DEAF1: variants seen among roughly 807,000 people sequenced by gnomAD.
The protein encoded by DEAF1 is deformed epidermal autoregulatory factor 1 homolog.
A neutral mutation model predicts 58.9 loss-of-function variants in DEAF1; 53 were observed. The ratio of observed to expected loss-of-function variants is 0.90; its 90% CI spans 0.72 to 1.13. The LOEUF (loss-of-function observed/expected upper bound fraction) is 1.13. Among genes scored for constraint, DEAF1 ranks in the 50% most tolerant of loss-of-function variants. The pLI, the probability that DEAF1 is intolerant of heterozygous loss-of-function variation, is 0.00. For synonymous variants in DEAF1, 385 were observed against 340.4 expected (o/e 1.13, Z -1.44); for missense variants, 685 against 791.4 (o/e 0.87, Z 1.61).
At chr11:686,783 CCCTCTG>C in intron 5 of DEAF1, 69 bp downstream of exon 5, 1 of 1,602,596 alleles carries the variant, frequency 6.2e-7, no homozygotes, top group South Asian at 1.1e-5. Context: ...TCTGTGCCCT[CCCTCTG>C]GCTGGGCCGC....
intron 2 of DEAF1, among the ~76,000 whole-genome samples, chr11:689,074 G>A (rs1860717597): frequency 6.6e-6 from 1 of 152,180 alleles, no homozygotes; most frequent in African/African-American, 2.4e-5. Context: ...TTCACCCCAC[G>A]GTGGGGCAGA....
In DEAF1 at chr11:654,054, G is replaced by A. The variant is rs1319038934; in HGVS notation, c.1504-3C>T. 3 of 1,612,674 alleles carry A rather than the reference G, an allele frequency of 1.9e-6. No homozygotes were observed. Among genetic ancestry groups the A allele is most frequent in the East Asian group, 4.5e-5 (2 of 44,862 alleles). On this transcript the variant is annotated splice_polypyrimidine_tract_variant and splice_region_variant and intron_variant, in intron 10 of 11. Transcript: ENST00000382409. ...CGGCCGCAGTTAACGCAGGACTGCTGCAAGAAGGACACAACAGGCCAGTCA... is the reference window on the plus strand; with the variant it reads ...CGGCCGCAGTTAACGCAGGACTGCTACAAGAAGGACACAACAGGCCAGTCA...
At chr11:674,384 AT>A in intron 10 of DEAF1, 151 bp downstream of exon 10, 2 of 1,099,690 alleles carry the variant, frequency 1.8e-6, no homozygotes, top group Non-Finnish European at 2.7e-6. Context: ...GAAAAGCTTC[AT>A]TTGTAAATGA....
intron 1 of DEAF1, among the ~76,000 whole-genome samples, chr11:701,391 G>C (rs1302685117): frequency 1.4e-5 from 2 of 142,014 alleles, no homozygotes; most frequent in African/African-American, 2.6e-5. Context: ...TTTTGGTAGA[G>C]ACGAGACAAG....
chr11:649,504 G>A (rs1858664524), intron 11 of DEAF1, among the ~76,000 whole-genome samples: 1 of 151,864 alleles, frequency 6.6e-6, no homozygotes, highest in African/African-American at 2.4e-5. Context: ...CGGATCACTT[G>A]AGGTCAGGAG....
chr11:668,252 G>GA (rs138131804), intron 10 of DEAF1, among the ~76,000 whole-genome samples: 2,465 of 152,188 alleles, frequency 0.016, 67 homozygotes, highest in Non-Finnish European at 0.014. Context: ...AAGAAAAGCT[G>GA]AAAGTACATC....
At chr11:697,432 A>G (rs1861249030), upstream of DEAF1, 1 of 152,268 alleles carries the variant, frequency 6.6e-6, no homozygotes, top group Non-Finnish European at 1.5e-5. Flanking sequence ...AGCCAAGGCT[A>G]CGTTCGGTCA....
upstream of DEAF1, chr11:695,531 T>C: frequency 1.8e-6 from 2 of 1,113,356 alleles, no homozygotes; most frequent in South Asian, 4.5e-5. Context: ...TGCCGCGGGT[T>C]TCGCCCGTTC....
At chr11:653,105 AAAAAAG>A (rs1858861021) in intron 11 of DEAF1, among the ~76,000 whole-genome samples, 1 of 150,548 alleles carries the variant, frequency 6.6e-6, no homozygotes, top group Admixed American at 6.6e-5. Context: ...AAAAAAAAAA[AAAAAAG>A]AGTGACTAAA....
At position 678,724 on chromosome 11, in the gene DEAF1, C is replaced by T. The variant is rs1224271605; in HGVS notation, c.1225G>A (p.Ala409Thr). ...DSCQIAPFPEAALPTSHPKIV... is the reference protein window; with the variant it reads ...DSCQIAPFPETALPTSHPKIV... ...TTGGGATGTGACGTTGGCAACGCAG[C>T]TTCTGGAAACGGTGCGATCTGGCAG... The change falls in exon 9 of 12, where the codon GCT becomes ACT. Residue 409 changes from alanine to threonine, a missense_variant. Ala to Thr is a moderately conservative substitution (Grantham distance 58). This residue lies in a region of DEAF1 where 343 missense variants were observed against 379.8 expected (regional missense o/e 0.90). Transcript: ENST00000382409. 6.2e-7 allele frequency: 1 copy of T among 1,614,084 alleles called. No homozygotes were observed. The highest frequency in any genetic ancestry group is 1.7e-5 in the Admixed American group (1 of 60,004).
chr11:668,587 C>G (rs961805082), intron 10 of DEAF1, among the ~76,000 whole-genome samples: 1 of 152,094 alleles, frequency 6.6e-6, no homozygotes, highest in Non-Finnish European at 1.5e-5. Context: ...CTTTGGGAAG[C>G]TGAGGTGGGT....
chr11:671,014 C>T (rs1262907476), intron 10 of DEAF1, among the ~76,000 whole-genome samples: 3 of 145,188 alleles, frequency 2.1e-5, no homozygotes, highest in Admixed American at 7.0e-5. Flanking sequence ...CTGCAATCTC[C>T]ACCTCCCGGG....
chr11:701,585 A>G lies in DEAF1; in HGVS notation c.-438+4987T>C, dbSNP rs1861484417. On this transcript the variant is annotated intron_variant, in intron 1 of 11. Transcript: ENST00000683307. ...GCCACCACGCCCGGCTCATTTTTGT[A>G]TTTTTAGTAGAGATGGGGTTTCACC... is the stretch of plus-strand genomic sequence containing the variant. Among the ~76,000 whole-genome samples, 3 of 151,412 alleles carry G rather than the reference A, an allele frequency of 2.0e-5. 1 individual carries two copies. In the South Asian group the frequency reaches 6.3e-4, roughly 32 times the overall value.
chr11:660,559 C>T (rs1055154429), intron 10 of DEAF1, among the ~76,000 whole-genome samples: 5 of 152,358 alleles, frequency 3.3e-5, no homozygotes, highest in East Asian at 1.9e-4. Flanking sequence ...GGGGCTTCCA[C>T]GCTGCTGGGG....
intron 4 of DEAF1, among the ~76,000 whole-genome samples, chr11:687,474 C>T (rs1293514702): frequency 6.6e-6 from 1 of 152,220 alleles, no homozygotes; most frequent in African/African-American, 2.4e-5. Context: ...GTCACCTGCA[C>T]CTTTTGTCTT....
At chr11:668,721 C>T (rs1377428607) in intron 10 of DEAF1, among the ~76,000 whole-genome samples, 1 of 152,162 alleles carries the variant, frequency 6.6e-6, no homozygotes. Context: ...ACTTGGGGGG[C>T]TGAGGCAAGA....
intron 8 of DEAF1, among the ~76,000 whole-genome samples, chr11:679,041 G>A (rs938956934): frequency 2.0e-5 from 3 of 152,166 alleles, no homozygotes; most frequent in African/African-American, 4.8e-5. Flanking sequence ...GGCCGGGCGC[G>A]GTGGCTCACG....
intron 11 of DEAF1, among the ~76,000 whole-genome samples, chr11:650,054 AAAC>A (rs747305677): frequency 6.6e-6 from 1 of 150,894 alleles, no homozygotes; most frequent in Non-Finnish European, 1.5e-5. Flanking sequence ...AACAAAAACA[AAAC>A]AAAAAAGTAG....
intron 1 of DEAF1, among the ~76,000 whole-genome samples, 173 bp from the exon 2 acceptor site, chr11:691,771 C>T (rs780574125): frequency 3.9e-5 from 6 of 152,194 alleles, no homozygotes; most frequent in South Asian, 2.1e-4. Flanking sequence ...ATTCCATTGT[C>T]TAAGTCATTC....
Sources: allele counts gnomAD v4.1 joint callset (sites outside exome capture counted in the v4.1 genomes callset), GRCh38; gene constraint gnomAD v4.1.1; regional missense constraint gnomAD v4.1.1; transcripts MANE v1.5; gene names NCBI Gene and HGNC (gene_info 2026-07-23, HGNC 2026-07-21).